The following CSRNP3 variants were observed in gnomAD, a reference collection of about 807,000 sequenced individuals.
CSRNP3 encodes the protein cysteine/serine-rich nuclear protein 3.
A neutral mutation model predicts 48.0 loss-of-function variants in CSRNP3; 12 were observed. The observed-to-expected ratio is 0.25, with a 90% CI of 0.16 to 0.41. The LOEUF is 0.41. Among genes scored for constraint, CSRNP3 ranks in the 10% least tolerant of loss-of-function variants. The probability of loss-of-function intolerance (pLI) is 1.00; values close to 1 mark genes in which losing one functional copy is unlikely to be tolerated. For missense variants in CSRNP3, 580 were observed against 724.4 expected, an observed-to-expected ratio of 0.80 and a Z score of 2.29; for synonymous variants, 263 against 269.7, an observed-to-expected ratio of 0.98 and a Z score of 0.24.
intron 2 of CSRNP3, among the ~76,000 whole-genome samples, chr2:165,495,286 A>C (rs1383666832): frequency 2.0e-5 from 3 of 152,052 alleles, no homozygotes; most frequent in Non-Finnish European, 4.4e-5. Context: ...CAATATTTAC[A>C]GTGCTGAGTG....
At chr2:165,520,744 T>C (rs1409386800) in intron 3 of CSRNP3, among the ~76,000 whole-genome samples, 2 of 143,614 alleles carry the variant, frequency 1.4e-5, no homozygotes, top group Non-Finnish European at 1.5e-5. Context: ...ATTTTATAGA[T>C]ATATAAATAG....
intron 4 of CSRNP3, among the ~76,000 whole-genome samples, chr2:165,615,553 AAG>A (rs1553479945): frequency 1.3e-5 from 2 of 151,116 alleles, no homozygotes; most frequent in African/African-American, 2.4e-5. Context: ...AAAAAAAAAA[AAG>A]AATTATAAAA....
intron 3 of CSRNP3, among the ~76,000 whole-genome samples, chr2:165,536,947 G>A (rs946097645): frequency 6.6e-6 from 1 of 151,756 alleles, no homozygotes; most frequent in Non-Finnish European, 1.5e-5. Flanking sequence ...TATAGTCATT[G>A]CTTCCGTATG....
At chr2:165,566,253 C>CA (rs1685296582) in intron 3 of CSRNP3, among the ~76,000 whole-genome samples, 1 of 151,974 alleles carries the variant, frequency 6.6e-6, no homozygotes, top group Admixed American at 6.6e-5. Context: ...TAGTTTCCTT[C>CA]ACACATACAT....
At chr2:165,529,955 A>G (rs1684789910) in intron 3 of CSRNP3, among the ~76,000 whole-genome samples, 2 of 152,214 alleles carry the variant, frequency 1.3e-5, no homozygotes, top group South Asian at 4.1e-4. Flanking sequence ...ATGGAAAGTA[A>G]TAGAGAAGAA....
chr2:165,642,697 G>C (rs1446248221), intron 4 of CSRNP3, among the ~76,000 whole-genome samples: 2 of 151,978 alleles, frequency 1.3e-5, no homozygotes, highest in East Asian at 3.9e-4. Flanking sequence ...CAAGTAGCTG[G>C]GATTACAGGC....
At chr2:165,532,444 A>G (rs1338563306) in intron 3 of CSRNP3, among the ~76,000 whole-genome samples, 5 of 152,188 alleles carry the variant, frequency 3.3e-5, no homozygotes, top group Admixed American at 1.3e-4. Context: ...TATAAACAGA[A>G]CCAAAGACAA....
At chr2:165,552,210 C>T (rs1392847883) in intron 3 of CSRNP3, among the ~76,000 whole-genome samples, 4 of 152,140 alleles carry the variant, frequency 2.6e-5, no homozygotes, top group Non-Finnish European at 5.9e-5. Flanking sequence ...GTTAGTTTTT[C>T]TGCAAACATC....
At chr2:165,517,717 C>T (rs1684599643) in intron 2 of CSRNP3, among the ~76,000 whole-genome samples, 156 bp from the exon 3 acceptor site, 1 of 151,878 alleles carries the variant, frequency 6.6e-6, no homozygotes, top group African/African-American at 2.4e-5. Context: ...AATTATATAG[C>T]ATATGATTAT....
intron 4 of CSRNP3, among the ~76,000 whole-genome samples, chr2:165,633,052 C>G (rs1686565536): frequency 6.6e-6 from 1 of 152,144 alleles, no homozygotes; most frequent in Non-Finnish European, 1.5e-5. Context: ...TCACGTTAAA[C>G]TTAGCAAAAA....
chr2:165,558,727 T>C (rs1685193556), intron 3 of CSRNP3, among the ~76,000 whole-genome samples: 1 of 152,224 alleles, frequency 6.6e-6, no homozygotes, highest in East Asian at 1.9e-4. Context: ...ACAGCATGCA[T>C]GTGAAAGTGT....
intron 4 of CSRNP3, among the ~76,000 whole-genome samples, chr2:165,647,728 T>C (rs1433002625): frequency 1.3e-5 from 2 of 152,166 alleles, no homozygotes; most frequent in Non-Finnish European, 2.9e-5. Flanking sequence ...GTTTTTCACT[T>C]TCAGTACAGT....
chr2:165,563,652 T>A (rs1685262177), intron 3 of CSRNP3, among the ~76,000 whole-genome samples: 1 of 152,170 alleles, frequency 6.6e-6, no homozygotes, highest in African/African-American at 2.4e-5. Context: ...ACCAGGTCTC[T>A]CTGGGATAGC....
At chr2:165,663,801 G>T (rs1687134882) in intron 5 of CSRNP3, among the ~76,000 whole-genome samples, 1 of 152,094 alleles carries the variant, frequency 6.6e-6, no homozygotes, top group Non-Finnish European at 1.5e-5. Flanking sequence ...AGCTATGATG[G>T]GTGTATTTAA....
At chr2:165,655,400 GTAA>G (rs1159860623) in intron 4 of CSRNP3, among the ~76,000 whole-genome samples, 1 of 152,176 alleles carries the variant, frequency 6.6e-6, no homozygotes, top group East Asian at 1.9e-4. Flanking sequence ...TGGGACATGA[GTAA>G]TATCAACCAG....
chr2:165,622,381 C>A (rs749804437), intron 4 of CSRNP3, among the ~76,000 whole-genome samples: 33 of 151,962 alleles, frequency 2.2e-4, no homozygotes, highest in Non-Finnish European at 3.5e-4. Context: ...ATTTAAATAC[C>A]TTTTTTGATA....
intron 4 of CSRNP3, among the ~76,000 whole-genome samples, chr2:165,637,944 CT>C (rs1427506486): frequency 3.3e-5 from 5 of 151,866 alleles, no homozygotes; most frequent in African/African-American, 1.2e-4. Context: ...ATTGTTAAAC[CT>C]TTTTTAATGC....
intron 3 of CSRNP3, among the ~76,000 whole-genome samples, chr2:165,538,558 A>G (rs1042545937): frequency 6.6e-6 from 1 of 151,904 alleles, no homozygotes; most frequent in Non-Finnish European, 1.5e-5. Flanking sequence ...TTATTTCCAT[A>G]TGGACTGAAA....
chr2:165,507,274 G>A (rs1233525363), intron 2 of CSRNP3, among the ~76,000 whole-genome samples: 1 of 151,984 alleles, frequency 6.6e-6, no homozygotes, highest in African/African-American at 2.4e-5. Context: ...ATGCCCATAT[G>A]AGAAATGAAG....
Sources: allele counts gnomAD v4.1 joint callset (sites outside exome capture counted in the v4.1 genomes callset), GRCh38; gene constraint gnomAD v4.1.1; transcripts MANE v1.5; gene names NCBI Gene and HGNC (gene_info 2026-07-23, HGNC 2026-07-21).